Variants in KCNMB4 observed in about 807,000 individuals in gnomAD.
KCNMB4 encodes the protein potassium calcium-activated channel subfamily M regulatory beta subunit 4.
KCNMB4 carries 3 observed loss-of-function variants against 20.7 expected under a neutral mutation model. The observed-to-expected ratio is 0.14, with a 90% confidence interval of 0.07 to 0.37. The LOEUF is 0.37. KCNMB4 is among the 10% of genes least tolerant of loss of function. The pLI is 1.00. For synonymous variants in KCNMB4, 110 were observed against 113.4 expected (o/e 0.97, Z 0.19); for missense variants, 168 against 265.9 (o/e 0.63, Z 2.56).
chr12:70,367,555 C>T (rs765365138), intron 1 of KCNMB4, among the ~76,000 whole-genome samples: 27 of 152,092 alleles, frequency 1.8e-4, no homozygotes, highest in Non-Finnish European at 3.5e-4. Flanking sequence ...GAGAGTTCCT[C>T]ACCTTTTCGC....
intron 1 of KCNMB4, among the ~76,000 whole-genome samples, chr12:70,372,704 A>G (rs751241571): frequency 6.6e-6 from 1 of 152,218 alleles, no homozygotes. Context: ...AAATATGAGG[A>G]TGAATCCATG....
intron 1 of KCNMB4, among the ~76,000 whole-genome samples, chr12:70,373,842 T>C (rs139043889): frequency 6.6e-6 from 1 of 152,268 alleles, no homozygotes; most frequent in East Asian, 1.9e-4. Flanking sequence ...GGAAATTGGC[T>C]GGTCATTGTG....
At chr12:70,397,985 C>T (rs1464994645) in intron 1 of KCNMB4, among the ~76,000 whole-genome samples, 1 of 152,072 alleles carries the variant, frequency 6.6e-6, no homozygotes, top group Non-Finnish European at 1.5e-5. Context: ...AACTAATTGA[C>T]TATAATGTAG....
chr12:70,418,409 A>G (rs1868965866), intron 2 of KCNMB4, among the ~76,000 whole-genome samples: 1 of 152,208 alleles, frequency 6.6e-6, no homozygotes, highest in Non-Finnish European at 1.5e-5. Flanking sequence ...TTCAAAAAGC[A>G]GCTTTTTATA....
At chr12:70,426,108 A>G (rs1869205808) in intron 2 of KCNMB4, among the ~76,000 whole-genome samples, 1 of 152,020 alleles carries the variant, frequency 6.6e-6, no homozygotes, top group Admixed American at 6.5e-5. Flanking sequence ...GCCTGGCCAA[A>G]TATGGTGAAA....
At position 70,430,708 on chromosome 12, in the gene KCNMB4, G is replaced by A. The variant is rs1212509256; in HGVS notation, c.*55G>A. 1.2e-5 allele frequency: 17 copies of A among 1,474,570 alleles called. No individual in the cohort carries two copies. Among genetic ancestry groups the A allele is most frequent in the South Asian group, 5.7e-5 (4 of 70,512 alleles). 91.3% of individuals were successfully genotyped at this position (1,474,570 alleles called of 1,614,324 possible). A position where few individuals can be genotyped will look rare whatever the true frequency, so the allele number is the denominator to read the frequency against. The stretch of plus-strand genomic sequence containing the variant: ...ACAGAAGCTGTACTCATCGGCACGC[G>A]TCCACCTGCGGAACCTGTGTTTCCT... On this transcript the variant is annotated 3_prime_UTR_variant, in exon 3 of 3. Transcript: ENST00000258111.
At chr12:70,404,273 T>C (rs1303771507) in intron 2 of KCNMB4, among the ~76,000 whole-genome samples, 1 of 151,964 alleles carries the variant, frequency 6.6e-6, no homozygotes, top group Non-Finnish European at 1.5e-5. Flanking sequence ...AAGACTGACA[T>C]GAGTAGACCT....
intron 1 of KCNMB4, among the ~76,000 whole-genome samples, chr12:70,368,945 G>T (rs1883543326): frequency 6.6e-6 from 1 of 152,148 alleles, no homozygotes; most frequent in Admixed American, 6.5e-5. Flanking sequence ...AATGCTTTAT[G>T]TAATACTAAA....
intron 2 of KCNMB4, among the ~76,000 whole-genome samples, chr12:70,424,166 C>T (rs997358): frequency 0.39 from 58,661 of 151,830 alleles, 11,509 homozygotes; most frequent in Middle Eastern, 0.54. Flanking sequence ...CTTTCTGTCT[C>T]CCTCAGGGCC....
chr12:70,421,771 C>T (rs1175099353), intron 2 of KCNMB4, among the ~76,000 whole-genome samples: 1 of 151,762 alleles, frequency 6.6e-6, no homozygotes, highest in Non-Finnish European at 1.5e-5. Flanking sequence ...TTAGTAGAGA[C>T]GAGGTTTCAC....
chr12:70,376,742 C>T (rs1156740091), intron 1 of KCNMB4, among the ~76,000 whole-genome samples: 1 of 150,790 alleles, frequency 6.6e-6, no homozygotes, highest in Non-Finnish European at 1.5e-5. Flanking sequence ...TGTCATGGCA[C>T]GTGCCTGTAG....
intron 2 of KCNMB4, among the ~76,000 whole-genome samples, chr12:70,409,906 C>T (rs1409864466): frequency 1.3e-5 from 2 of 152,190 alleles, no homozygotes; most frequent in Non-Finnish European, 1.5e-5. Context: ...GCTTAGATTT[C>T]TCTTAAAATG....
At chr12:70,426,492 A>G (rs1869219133) in intron 2 of KCNMB4, among the ~76,000 whole-genome samples, 1 of 152,156 alleles carries the variant, frequency 6.6e-6, no homozygotes, top group South Asian at 2.1e-4. Flanking sequence ...GGATCCCACA[A>G]ACTCAGATGC....
intron 2 of KCNMB4, among the ~76,000 whole-genome samples, chr12:70,405,833 C>T (rs1048227052): frequency 5.3e-5 from 8 of 151,998 alleles, no homozygotes; most frequent in South Asian, 2.1e-4. Flanking sequence ...GAGGCTGAGG[C>T]GGGAGGATTG....
chr12:70,413,323 A>G (rs1868832826), intron 2 of KCNMB4, among the ~76,000 whole-genome samples: 1 of 152,216 alleles, frequency 6.6e-6, no homozygotes, highest in Non-Finnish European at 1.5e-5. Flanking sequence ...ATTTGATGTT[A>G]TTAAATCACT....
At chr12:70,389,009 A>G (rs918926380) in intron 1 of KCNMB4, among the ~76,000 whole-genome samples, 37 of 151,690 alleles carry the variant, frequency 2.4e-4, no homozygotes, top group African/African-American at 8.2e-4. Flanking sequence ...TTTCTAAACA[A>G]TAGGTTTTCT....
At chr12:70,406,142 A>C (rs539111349) in intron 2 of KCNMB4, among the ~76,000 whole-genome samples, 1 of 119,630 alleles carries the variant, frequency 8.4e-6, no homozygotes, top group East Asian at 1.9e-4. Flanking sequence ...GGGTAACGGA[A>C]GTTACTAATC....
At chr12:70,368,101 A>C (rs1242987367) in intron 1 of KCNMB4, among the ~76,000 whole-genome samples, 1 of 152,260 alleles carries the variant, frequency 6.6e-6, no homozygotes, top group East Asian at 1.9e-4. Flanking sequence ...ATCTTTTTAA[A>C]AGTTACTGAC....
At chr12:70,401,445 C>G (rs903543737) in intron 2 of KCNMB4, among the ~76,000 whole-genome samples, 2 of 152,152 alleles carry the variant, frequency 1.3e-5, no homozygotes, top group Non-Finnish European at 1.5e-5. Context: ...AGTCTTCCGC[C>G]TCCACCGTGG....
Sources: gnomAD v4.1 joint callset for allele counts (sites outside exome capture counted in the v4.1 genomes callset) on GRCh38, gnomAD v4.1.1 for gene constraint, MANE v1.5 for transcripts, NCBI Gene and HGNC (gene_info 2026-07-23, HGNC 2026-07-21) for gene names.